Variants in DOK1 observed in about 807,000 individuals in gnomAD.
The protein encoded by DOK1 is docking protein 1, also known as Downstream of tyrosine kinase 1.
In DOK1, 12 loss-of-function variants were observed where a neutral mutation model predicts 24.0. The observed-to-expected ratio is 0.50, with a 90% CI of 0.32 to 0.81. The LOEUF is 0.81. DOK1 is among the 30% of genes least tolerant of loss of function. The probability of loss-of-function intolerance (pLI) is 0.03; values close to 1 mark genes in which losing one functional copy is unlikely to be tolerated. For synonymous variants in DOK1, 250 were observed against 260.9 expected (o/e 0.96, Z 0.40); for missense variants, 591 against 620.7 (o/e 0.95, Z 0.51).
rs1455017694 is a variant in DOK1, at chr2:74,556,052, C to CT, written c.614dup (p.Leu206ValfsTer35). The CT allele has an allele frequency of 6.2e-7, 1 of 1,603,188 alleles. No individual in the cohort carries two copies. The highest frequency in any genetic ancestry group is 1.3e-5 in the African/African-American group (1 of 74,660). On this transcript the variant is annotated frameshift_variant, in exon 4 of 5. Transcript: ENST00000233668. LOFTEE classifies it low-confidence loss of function (END_TRUNC). This position sits in a 1 kb window ranked among gnomAD's most constrained non-coding sequence, Gnocchi z 4.1. ...GCCACTCCTGTCCTGGCCCTACACT[C>CT]TGTTGCGTCGCTATGGCCGGGACAA... is the stretch of plus-strand genomic sequence containing the variant.
At chr2:74,554,645 TGCCGGCGGGG>T (rs1677266776), upstream of DOK1, 1 of 1,075,658 alleles carries the variant, frequency 9.3e-7, no homozygotes, top group African/African-American at 1.6e-5. This position sits in a 1 kb window ranked among gnomAD's most constrained non-coding sequence, Gnocchi z 4.9. Context: ...CCCCAGCGGC[TGCCGGCGGGG>T]GCCGGGGAGG....
chr2:74,556,520 C>T lies in DOK1; in HGVS notation c.852C>T (p.Gly284=). The change falls in exon 5 of 5, where the codon GGC becomes GGT. Residue 284 remains glycine (G), a synonymous_variant. Transcript: ENST00000233668. This position sits in a 1 kb window ranked among gnomAD's most constrained non-coding sequence, Gnocchi z 4.1. ...VAEGKLPSPP[G]PQELLDSPPA... is the part of the protein sequence containing the mutation. ...AGGGGAAGTTGCCTTCCCCACCTGG[C>T]CCCCAAGAGCTCCTCGACAGTCCCC... The T allele has an allele frequency of 6.2e-7, 1 of 1,614,188 alleles. No homozygotes were observed. The highest frequency in any genetic ancestry group is 8.5e-7 in the Non-Finnish European group (1 of 1,180,032).
upstream of DOK1, chr2:74,549,948 G>C: frequency 1.0e-6 from 1 of 985,456 alleles, no homozygotes; most frequent in Non-Finnish European, 1.2e-6. This position sits in a 1 kb window ranked among gnomAD's most constrained non-coding sequence, Gnocchi z 5.3. Context: ...AGGTGCCCCA[G>C]GGGTGACTAG....
chr2:74,549,454 T>C lies in DOK1; in HGVS notation c.-358+282T>C. On this transcript the variant is annotated intron_variant, in intron 1 of 4. Transcript: ENST00000409429. This position sits in a 1 kb window ranked among gnomAD's most constrained non-coding sequence, Gnocchi z 5.3. ...TGGCTGTTGTGGGCGCTCCAGCCTT[T>C]GTCGCACACTTGCGACCAGCCGTCA... 6.2e-7 allele frequency: 1 copy of C among 1,613,338 alleles called. No homozygotes were observed. Among genetic ancestry groups the C allele is most frequent in the Non-Finnish European group, 8.5e-7 (1 of 1,179,772 alleles).
At position 74,555,789 on chromosome 2, in the gene DOK1, C is replaced by A; in HGVS notation, c.455-105C>A. 1 of 1,586,004 alleles carries A rather than the reference C, an allele frequency of 6.3e-7. No homozygotes were observed. Among genetic ancestry groups the A allele is most frequent in the East Asian group, 2.2e-5 (1 of 44,528 alleles). The stretch of plus-strand genomic sequence containing the variant: ...GTAAGAAGTAGGAAGGCCCTGAGAT[C>A]TGGCTTCCGAGTGAGTGCTTGGACA... On this transcript the variant is annotated intron_variant, in intron 3 of 4. Transcript: ENST00000233668. This position sits in a 1 kb window ranked among gnomAD's most constrained non-coding sequence, Gnocchi z 6.1.
chr2:74,553,262 G>A (rs1677143215), upstream of DOK1, among the ~76,000 whole-genome samples: 1 of 152,126 alleles, frequency 6.6e-6, no homozygotes, highest in African/African-American at 2.4e-5. Context: ...TCCCCTGAAT[G>A]GGAGCCCAGA....
chr2:74,552,554 C>T (rs376297326), upstream of DOK1: 94 of 1,611,742 alleles, frequency 5.8e-5, no homozygotes, highest in Middle Eastern at 3.3e-4. Context: ...TGGAAGGGGA[C>T]GGAGACCCCA....
At chr2:74,552,688 T>A (rs1438768484), upstream of DOK1, 4 of 1,447,656 alleles carry the variant, frequency 2.8e-6, no homozygotes, top group African/African-American at 5.7e-5. Context: ...AGAAACAGAT[T>A]GAGTGGGGCC....
chr2:74,555,407 C>T lies in DOK1; in HGVS notation c.314C>T (p.Pro105Leu), dbSNP rs199739083. The T allele has an allele frequency of 8.7e-6, 14 of 1,611,398 alleles. No homozygotes were observed. The highest frequency in any genetic ancestry group is 1.1e-5 in the Non-Finnish European group (13 of 1,179,340). ...QRSHLLAADA[P>L]SSAAWVQTLC... ...TCGCACCTGCTGGCGGCCGACGCGC[C>T]GTCCAGTGCAGCCTGGGTGCAGACG... The change falls in exon 2 of 5, where the codon CCG becomes CTG. Residue 105 changes from proline to leucine, a missense_variant. Physicochemically the swap from Pro to Leu is moderately conservative, Grantham distance 98. Coordinates refer to ENST00000233668, the MANE Select transcript of DOK1 (RefSeq NM_001381.5). The surrounding 1 kb of genome is among the most constrained non-coding windows in gnomAD (Gnocchi z 6.1).
Position 74,549,631 on chromosome 2 carries a change from A to C in DOK1, c.-358+459A>C. ...GGAAAGAATCCCAGTGGCACCTTTC[A>C]TGTGTCCCGCCGCCCTTAAGGAACC... On this transcript the variant is annotated intron_variant, in intron 1 of 4. Coordinates refer to the DOK1 transcript ENST00000409429. The surrounding 1 kb of genome is among the most constrained non-coding windows in gnomAD (Gnocchi z 5.3). 2 of 1,559,812 alleles carry C rather than the reference A, an allele frequency of 1.3e-6. No individual in the cohort carries two copies. Among genetic ancestry groups the C allele is most frequent in the South Asian group, 1.2e-5 (1 of 84,890 alleles).
At chr2:74,554,706 C>G, upstream of DOK1, 1 of 1,597,978 alleles carries the variant, frequency 6.3e-7, no homozygotes, top group Non-Finnish European at 8.5e-7. This position sits in a 1 kb window ranked among gnomAD's most constrained non-coding sequence, Gnocchi z 4.9. Context: ...GCCTCCCGCC[C>G]CGCCTCCCGC....
rs868513708 is a variant in DOK1, at chr2:74,554,760, C to A, written c.6C>A (p.Asp2Glu). ...GGAAGGAACCGCCGGGGGCCATGGA[C>A]GGAGCAGTGATGGAAGGGCCGCTTT... M[D>E]GAVMEGPLFL... The change falls in exon 1 of 5, where the codon GAC (aspartate) becomes GAA (glutamate). Residue 2 changes from aspartate (D) to glutamate (E), a missense_variant. Coordinates refer to ENST00000233668, the MANE Select transcript of DOK1 (RefSeq NM_001381.5). The surrounding 1 kb of genome is among the most constrained non-coding windows in gnomAD (Gnocchi z 4.9). 1 of 1,613,656 alleles carries A rather than the reference C, an allele frequency of 6.2e-7. No individual in the cohort carries two copies. The highest frequency in any genetic ancestry group is 1.7e-5 in the Admixed American group (1 of 60,008).
chr2:74,555,457 AG>A lies in DOK1; in HGVS notation c.360+6del. ...GCTGTGCCGAAACGCCTTTCCGGTG[AG>A]GAGCTGCGGCGATGCGGGGTGGGGG... On this transcript the variant is annotated splice_donor_5th_base_variant and intron_variant, in intron 2 of 4. Coordinates refer to ENST00000233668, the MANE Select transcript of DOK1 (RefSeq NM_001381.5). The surrounding 1 kb of genome is among the most constrained non-coding windows in gnomAD (Gnocchi z 6.1). 2 of 1,608,874 alleles carry A rather than the reference AG, an allele frequency of 1.2e-6. No homozygotes were observed. The highest frequency in any genetic ancestry group is 1.7e-6 in the Non-Finnish European group (2 of 1,178,276).
rs1427178223 is a variant in DOK1, at chr2:74,556,050, C to T, written c.611C>T (p.Thr204Ile). 1 of 1,605,474 alleles carries T rather than the reference C, an allele frequency of 6.2e-7. No individual in the cohort carries two copies. Among genetic ancestry groups the T allele is most frequent in the Non-Finnish European group, 8.5e-7 (1 of 1,175,332 alleles). The change falls in exon 4 of 5, where the codon ACT (threonine) becomes ATT (isoleucine). Residue 204 changes from threonine (T) to isoleucine (I), a missense_variant. Physicochemically the swap from Thr to Ile is moderately conservative, Grantham distance 89. Transcript: ENST00000233668. This position sits in a 1 kb window ranked among gnomAD's most constrained non-coding sequence, Gnocchi z 4.1. Reference sequence around the variant, plus strand: ...GAGCCACTCCTGTCCTGGCCCTACACTCTGTTGCGTCGCTATGGCCGGGAC... The same window carrying T: ...GAGCCACTCCTGTCCTGGCCCTACATTCTGTTGCGTCGCTATGGCCGGGAC... ...ILEPLLSWPY[T>I]LLRRYGRDKV...
At chr2:74,550,456 A>G (rs1207834143), upstream of DOK1, 3 of 1,199,200 alleles carry the variant, frequency 2.5e-6, no homozygotes, top group Non-Finnish European at 3.5e-6. Context: ...GGCCATGATG[A>G]TCCCATCTTT....
Position 74,557,108 on chromosome 2 carries a change from T to A in DOK1, c.1440T>A (p.Ser480=). The A allele has an allele frequency of 6.2e-7, 1 of 1,603,686 alleles. No individual in the cohort carries two copies. Among genetic ancestry groups the A allele is most frequent in the Non-Finnish European group, 8.5e-7 (1 of 1,172,498 alleles). The part of the protein sequence containing the change: ...TDKTGVKSEG[S]T ...AGACTGGGGTCAAGTCAGAGGGCTC[T>A]ACCTGAGAAGGACGGCAAGGCTGAG... Residue 480 remains serine (S), a synonymous_variant, in exon 5 of 5, where the codon TCT becomes TCA. Coordinates refer to ENST00000233668, the MANE Select transcript of DOK1 (RefSeq NM_001381.5).
chr2:74,552,607 T>C, upstream of DOK1: 2 of 1,582,504 alleles, frequency 1.3e-6, no homozygotes, highest in Non-Finnish European at 1.7e-6. Flanking sequence ...CCCCAGGGGC[T>C]CCACTGCCAG....
chr2:74,554,774 A>G lies in DOK1; in HGVS notation c.20A>G (p.Glu7Gly). MDGAVM[E>G]GPLFLQSQRF... The stretch of plus-strand genomic sequence containing the variant: ...GGGGCCATGGACGGAGCAGTGATGG[A>G]AGGGCCGCTTTTTTTGCAGAGTCAG... Residue 7 changes from glutamate to glycine, a missense_variant, in exon 1 of 5, where the codon GAA becomes GGA. Glu to Gly is a moderately conservative substitution (Grantham distance 98). Transcript: ENST00000233668. This position sits in a 1 kb window ranked among gnomAD's most constrained non-coding sequence, Gnocchi z 4.9. The G allele has an allele frequency of 6.2e-7, 1 of 1,613,956 alleles. No homozygotes were observed. Among genetic ancestry groups the G allele is most frequent in the Non-Finnish European group, 8.5e-7 (1 of 1,179,972 alleles).
At position 74,556,850 on chromosome 2, in the gene DOK1, G is replaced by A. The variant is rs147177930; in HGVS notation, c.1182G>A (p.Lys394=). 2.8e-5 allele frequency: 45 copies of A among 1,614,158 alleles called. No homozygotes were observed. Among genetic ancestry groups the A allele is most frequent in the African/African-American group, 5.3e-5 (4 of 75,050 alleles). ...KDAWWCQARV[K]EEGYELPYNP... is the part of the protein sequence containing the mutation. ...CATGGTGGTGCCAAGCTCGGGTGAA[G>A]GAGGAGGGCTATGAGCTCCCCTACA... Residue 394 remains lysine, a synonymous_variant, in exon 5 of 5, where the codon AAG becomes AAA. Coordinates refer to ENST00000233668, the MANE Select transcript of DOK1 (RefSeq NM_001381.5). The surrounding 1 kb of genome is among the most constrained non-coding windows in gnomAD (Gnocchi z 4.1).
Sources: allele counts gnomAD v4.1 joint callset (sites outside exome capture counted in the v4.1 genomes callset), GRCh38; gene constraint gnomAD v4.1.1; non-coding constraint Gnocchi (gnomAD v3.1); transcripts MANE v1.5; gene names NCBI Gene and HGNC (gene_info 2026-07-23, HGNC 2026-07-21).